Variants in CEMIP observed in about 807,000 individuals in gnomAD.
CEMIP encodes cell migration inducing hyaluronidase 1.
A neutral mutation model predicts 156.9 loss-of-function variants in CEMIP; 105 were observed. The ratio of observed to expected loss-of-function variants is 0.67; its 90% CI spans 0.57 to 0.79. The LOEUF (loss-of-function observed/expected upper bound fraction) is 0.79. Among genes scored for constraint, CEMIP ranks in the 30% least tolerant of loss-of-function variants. CEMIP has a pLI of 0.00. For missense variants in CEMIP, 1,457 were observed against 1,769.4 expected (o/e 0.82, Z 3.17); for synonymous variants, 676 against 668.4 (o/e 1.01, Z -0.17).
chr15:80,829,342 C>T (rs146876526), intron 1 of CEMIP, among the ~76,000 whole-genome samples: 1 of 152,320 alleles, frequency 6.6e-6, no homozygotes, highest in East Asian at 1.9e-4. Flanking sequence ...TCAGCTGCTG[C>T]TGTTGCTCAG....
Position 80,906,586 on chromosome 15 carries a change from A to T in CEMIP, c.1412-77A>T, listed in dbSNP as rs1025397975. On this transcript the variant is annotated intron_variant, in intron 12 of 29. Transcript: ENST00000394685. This position sits in a 1 kb window ranked among gnomAD's most constrained non-coding sequence, Gnocchi z 4.3. ...GGCGATGAGTAAGCAGCAGCCATGGAGGCACCTGGCAGGGGCCCAGAACTC... is the reference window on the plus strand; with the variant it reads ...GGCGATGAGTAAGCAGCAGCCATGGTGGCACCTGGCAGGGGCCCAGAACTC... 2.1e-6 allele frequency: 3 copies of T among 1,414,686 alleles called. No individual in the cohort carries two copies. In the African/African-American group the frequency reaches 4.2e-5, roughly 20 times the overall value. The allele number at this position is 1,414,686 out of a possible 1,614,324, so 87.6% of individuals were successfully genotyped here. A position where few individuals can be genotyped will look rare whatever the true frequency, so the allele number is the denominator to read the frequency against.
chr15:80,872,421 TTTA>T (rs1898326919), intron 1 of CEMIP, among the ~76,000 whole-genome samples: 1 of 150,556 alleles, frequency 6.6e-6, no homozygotes, highest in South Asian at 2.1e-4. Context: ...CATCTTTTCC[TTTA>T]TTAAGTTCCT....
chr15:80,906,760 G>T lies in CEMIP; in HGVS notation c.1509G>T (p.Glu503Asp). Residue 503 changes from glutamate (E) to aspartate (D), a missense_variant, in exon 13 of 30, where the codon GAG (glutamate) becomes GAT (aspartate). Around this residue, in one of 5 missense-constraint regions of CEMIP, gnomAD observed 280 missense variants for 300.3 expected, o/e 0.93. Coordinates refer to ENST00000394685, the MANE Select transcript of CEMIP (RefSeq NM_001293298.2). The surrounding 1 kb of genome is among the most constrained non-coding windows in gnomAD (Gnocchi z 4.3). ...LLSRNIIVMG[E>D]MEDKCYPYRN... Reference sequence around the variant, plus strand: ...GCCGGAACATCATAGTGATGGGGGAGATGGAGGACAAATGCTACCCCTACA... The same window carrying T: ...GCCGGAACATCATAGTGATGGGGGATATGGAGGACAAATGCTACCCCTACA... 6.2e-7 allele frequency: 1 copy of T among 1,614,220 alleles called. No homozygotes were observed. Among genetic ancestry groups the T allele is most frequent in the Non-Finnish European group, 8.5e-7 (1 of 1,180,040 alleles).
At position 80,949,007 on chromosome 15, in the gene CEMIP, C is replaced by T. The variant is rs1901696018; in HGVS notation, c.*83C>T. On this transcript the variant is annotated 3_prime_UTR_variant, in exon 30 of 30. Transcript: ENST00000394685. ...AGACCAGTGGGGGATGGCTGGGTCC[C>T]CCAGCCCCTGCCAGCAGCTGCCTGG... 3.2e-6 allele frequency: 5 copies of T among 1,578,348 alleles called. No homozygotes were observed. The highest frequency in any genetic ancestry group is 1.7e-5 in the Admixed American group (1 of 59,944).
In CEMIP at chr15:80,924,824, G is replaced by A. The variant is rs12593358; in HGVS notation, c.2288+118G>A. On this transcript the variant is annotated intron_variant, in intron 18 of 29. Coordinates refer to ENST00000394685, the MANE Select transcript of CEMIP (RefSeq NM_001293298.2). ...TCTGTTGAGCCCTTGCTTTGTGCTG[G>A]GCTTTGAGCTAGTTGCTGGGGGTAC... The A allele has an allele frequency of 3.5e-3, 3,228 of 926,258 alleles. 119 individuals are homozygous for A. The East Asian group carries it at 0.072, about 21-fold the overall frequency. 57.4% of individuals were successfully genotyped at this position (926,258 alleles called of 1,614,324 possible).
Position 80,920,233 on chromosome 15 carries a change from A to G in CEMIP, c.1937A>G (p.Lys646Arg). 1 of 1,614,194 alleles carries G rather than the reference A, an allele frequency of 6.2e-7. No homozygotes were observed. Among genetic ancestry groups the G allele is most frequent in the South Asian group, 1.1e-5 (1 of 91,074 alleles). Residue 646 changes from lysine to arginine, a missense_variant, in exon 15 of 30, where the codon AAG becomes AGG. Physicochemically the swap from Lys to Arg is conservative, Grantham distance 26. This residue lies in a region of CEMIP where 798 missense variants were observed against 980.1 expected (regional missense o/e 0.81). Coordinates refer to ENST00000394685, the MANE Select transcript of CEMIP (RefSeq NM_001293298.2). Reference sequence around the variant, plus strand: ...CTCCTCCCCTCGGACCGTGACAGCAAGATGTGCAAGATGATCACAGAGGAC... The same window carrying G: ...CTCCTCCCCTCGGACCGTGACAGCAGGATGTGCAAGATGATCACAGAGGAC... ...GTLLPSDRDS[K>R]MCKMITEDSY... is the part of the protein sequence containing the mutation.
At chr15:80,855,190 AAAAT>A (rs1897821148) in intron 1 of CEMIP, among the ~76,000 whole-genome samples, 1 of 152,204 alleles carries the variant, frequency 6.6e-6, no homozygotes, top group African/African-American at 2.4e-5. Flanking sequence ...ACCATCTCAA[AAAAT>A]AAATAAATAA....
intron 1 of CEMIP, among the ~76,000 whole-genome samples, chr15:80,808,815 C>T (rs1896583639): frequency 6.7e-6 from 1 of 149,932 alleles, no homozygotes; most frequent in Non-Finnish European, 1.5e-5. Context: ...GTAAAGAAGC[C>T]AACAATGGGC....
intron 1 of CEMIP, among the ~76,000 whole-genome samples, chr15:80,867,916 G>A (rs971245090): frequency 6.6e-6 from 1 of 152,146 alleles, no homozygotes; most frequent in African/African-American, 2.4e-5. Flanking sequence ...CAGGAGAGGA[G>A]GACAGGGCTC....
intron 12 of CEMIP, chr15:80,903,193 T>G (rs114645696): frequency 2.2e-4 from 33 of 152,306 alleles, no homozygotes; most frequent in African/African-American, 7.2e-4. Flanking sequence ...GGACACCATA[T>G]TTTAAGGTGG....
intron 1 of CEMIP, among the ~76,000 whole-genome samples, chr15:80,829,230 G>T (rs1054552214): frequency 3.9e-5 from 6 of 152,308 alleles, no homozygotes; most frequent in Admixed American, 3.3e-4. Context: ...AGGACTTAGA[G>T]GTTGAGGGGC....
chr15:80,815,021 C>T (rs1357841665), intron 1 of CEMIP, among the ~76,000 whole-genome samples: 1 of 152,202 alleles, frequency 6.6e-6, no homozygotes, highest in Non-Finnish European at 1.5e-5. Context: ...GAGAGTGTCC[C>T]TACTGCTTTT....
chr15:80,917,213 AT>A (rs1489275342), intron 14 of CEMIP, among the ~76,000 whole-genome samples: 1 of 152,102 alleles, frequency 6.6e-6, no homozygotes, highest in East Asian at 1.9e-4. Context: ...GTTTACTCCT[AT>A]TCAGAGAAAG....
At chr15:80,927,065 G>C (rs947591136) in intron 19 of CEMIP, among the ~76,000 whole-genome samples, 3 of 152,220 alleles carry the variant, frequency 2.0e-5, no homozygotes, top group Admixed American at 1.3e-4. Flanking sequence ...TCCTGACCTT[G>C]TGATTCGCCC....
chr15:80,861,769 C>G (rs1468865933), intron 1 of CEMIP, among the ~76,000 whole-genome samples: 1 of 152,252 alleles, frequency 6.6e-6, no homozygotes, highest in Non-Finnish European at 1.5e-5. Context: ...ACAAATACAA[C>G]TGATGAAGTG....
At chr15:80,942,110 CTT>C in intron 26 of CEMIP, 57 bp downstream of exon 26, 1 of 1,566,998 alleles carries the variant, frequency 6.4e-7, no homozygotes, top group East Asian at 2.3e-5. Flanking sequence ...GCCTAGAGCC[CTT>C]TGCCGTCCAG....
At chr15:80,835,073 C>CTCTCT (rs1320604234) in intron 1 of CEMIP, among the ~76,000 whole-genome samples, 1 of 141,116 alleles carries the variant, frequency 7.1e-6, no homozygotes, top group Non-Finnish European at 1.5e-5. Flanking sequence ...TATTCTGAGT[C>CTCTCT]CTCATTGCAG....
At chr15:80,845,010 C>T (rs1267570362) in intron 1 of CEMIP, among the ~76,000 whole-genome samples, 3 of 152,094 alleles carry the variant, frequency 2.0e-5, no homozygotes, top group South Asian at 2.1e-4. Flanking sequence ...ATTTGTAAAA[C>T]GATTTTATGG....
At chr15:80,928,116 C>T (rs1224092326) in intron 19 of CEMIP, among the ~76,000 whole-genome samples, 1 of 152,022 alleles carries the variant, frequency 6.6e-6, no homozygotes, top group African/African-American at 2.4e-5. Context: ...ATGAGCCTGG[C>T]AGGGTGGACA....
Sources: allele counts gnomAD v4.1 joint callset (sites outside exome capture counted in the v4.1 genomes callset), GRCh38; gene constraint gnomAD v4.1.1; regional missense constraint gnomAD v4.1.1; non-coding constraint Gnocchi (gnomAD v3.1); transcripts MANE v1.5; gene names NCBI Gene and HGNC (gene_info 2026-07-23, HGNC 2026-07-21).